TTLL5: variants seen among roughly 807,000 people sequenced by gnomAD.
The protein encoded by TTLL5 is tubulin polyglutamylase TTLL5.
Under a neutral mutation model 168.4 loss-of-function variants are expected in TTLL5, and 132 were observed. The ratio of observed to expected loss-of-function variants is 0.78; its 90% CI spans 0.68 to 0.91. The LOEUF is 0.91. Ranked by LOEUF, TTLL5 falls within the 40% of genes least tolerant of loss-of-function variation. TTLL5 has a pLI of 0.00. For missense variants in TTLL5, 1,545 were observed against 1,581.5 expected (o/e 0.98, Z 0.39); for synonymous variants, 546 against 558.6 (o/e 0.98, Z 0.32).
At position 75,683,590 on chromosome 14, in the gene TTLL5, G is replaced by T. The variant is rs1403781894; in HGVS notation, c.305G>T (p.Gly102Val). ...ACTGACTATAACCTAATGTGGACAG[G>T]ATCCCACCTGAAGCCCTTCTTACTG... ...SSTDYNLMWT[G>V]SHLKPFLLRT... is the part of the protein sequence containing the mutation. Residue 102 changes from glycine (G) to valine (V), a missense_variant, in exon 5 of 32, where the codon GGA (glycine) becomes GTA (valine). Gly to Val is a moderately radical substitution (Grantham distance 109). Transcript: ENST00000298832. 1 of 1,613,976 alleles carries T rather than the reference G, an allele frequency of 6.2e-7. No homozygotes were observed. Among genetic ancestry groups the T allele is most frequent in the Admixed American group, 1.7e-5 (1 of 60,006 alleles).
chr14:75,868,691 A>G (rs911984070), intron 29 of TTLL5, among the ~76,000 whole-genome samples: 2 of 152,194 alleles, frequency 1.3e-5, no homozygotes, highest in Admixed American at 6.5e-5. Context: ...GGATTCCCAT[A>G]TAAACCGAAC....
chr14:75,709,319 T>C, intron 9 of TTLL5: 1 of 680,186 alleles, frequency 1.5e-6, no homozygotes, highest in South Asian at 1.5e-5. Context: ...CTTAGTTTTT[T>C]TCACATGTAT....
At chr14:75,894,445 C>T (rs567107521) in intron 30 of TTLL5, among the ~76,000 whole-genome samples, 2 of 152,224 alleles carry the variant, frequency 1.3e-5, no homozygotes, top group South Asian at 4.1e-4. Context: ...CCCAGCTACT[C>T]GGGAGGCTGA....
chr14:75,713,413 G>A (rs1043004178), intron 9 of TTLL5, among the ~76,000 whole-genome samples: 2 of 152,190 alleles, frequency 1.3e-5, no homozygotes, highest in Non-Finnish European at 2.9e-5. Flanking sequence ...ATACCATCCA[G>A]GTTTGTGTAA....
At chr14:75,934,491 T>C (rs1176359882) in intron 31 of TTLL5, among the ~76,000 whole-genome samples, 7 of 152,242 alleles carry the variant, frequency 4.6e-5, no homozygotes, top group Non-Finnish European at 2.9e-5. Context: ...ATAAAAACTT[T>C]TGACATTTAA....
chr14:75,818,960 G>A (rs1047267035), intron 27 of TTLL5, among the ~76,000 whole-genome samples: 1 of 152,230 alleles, frequency 6.6e-6, no homozygotes, highest in African/African-American at 2.4e-5. Flanking sequence ...AATGGGCTTT[G>A]GCAGTTGAAA....
In TTLL5 at chr14:75,817,830, C is replaced by CTTTTTTTTTTTTTTTTT. The variant is rs1045988787; in HGVS notation, c.3172-2168_3172-2152dup. Among the ~76,000 whole-genome samples, 89 of 83,876 alleles carry CTTTTTTTTTTTTTTTTT rather than the reference C, an allele frequency of 1.1e-3. 2 individuals carry two copies. Among genetic ancestry groups the CTTTTTTTTTTTTTTTTT allele is most frequent in the Non-Finnish European group, 1.2e-3 (56 of 46,506 alleles). 55.0% of individuals were successfully genotyped at this position (83,876 alleles called of 152,430 possible). On this transcript the variant is annotated intron_variant, in intron 27 of 31. Transcript: ENST00000298832. Reference sequence around the variant, plus strand: ...ACCATTCTTTCTTTTCTTTTCTTTTCTTTTTTTTTTTTTTTTTTTTTTTTT... The same window carrying CTTTTTTTTTTTTTTTTT: ...ACCATTCTTTCTTTTCTTTTCTTTTCTTTTTTTTTTTTTTTTTTTTTTTTTTTTTTTTTTTTTTTTTT...
At chr14:75,917,024 G>C (rs577348351) in intron 31 of TTLL5, among the ~76,000 whole-genome samples, 1 of 152,304 alleles carries the variant, frequency 6.6e-6, no homozygotes, top group Admixed American at 6.5e-5. Flanking sequence ...TCAGCAGGGG[G>C]TGGGGAGAGA....
At chr14:75,895,454 A>G (rs1299668904) in intron 30 of TTLL5, among the ~76,000 whole-genome samples, 2 of 152,186 alleles carry the variant, frequency 1.3e-5, no homozygotes, top group Non-Finnish European at 2.9e-5. Context: ...ACTTCAAAAT[A>G]TCAATATCAA....
intron 29 of TTLL5, among the ~76,000 whole-genome samples, chr14:75,876,199 C>T (rs2031467928): frequency 6.6e-6 from 1 of 152,170 alleles, no homozygotes; most frequent in South Asian, 2.1e-4. Context: ...AACTGCAGCC[C>T]TAGTCTTAGC....
chr14:75,666,883 C>T (rs369856853), intron 2 of TTLL5, among the ~76,000 whole-genome samples: 27 of 152,296 alleles, frequency 1.8e-4, no homozygotes, highest in African/African-American at 5.5e-4. Context: ...TGATCTGCTT[C>T]GGTAATTATT....
intron 29 of TTLL5, among the ~76,000 whole-genome samples, chr14:75,872,704 G>GA (rs1337051822): frequency 6.6e-6 from 1 of 152,014 alleles, no homozygotes; most frequent in Non-Finnish European, 1.5e-5. Context: ...GAGATTGGGA[G>GA]TTCGAGACCA....
intron 31 of TTLL5, among the ~76,000 whole-genome samples, chr14:75,922,932 T>A (rs891475929): frequency 6.6e-6 from 1 of 152,238 alleles, no homozygotes; most frequent in African/African-American, 2.4e-5. Flanking sequence ...ATTCAGAGAT[T>A]CAACTTCTTC....
chr14:75,822,953 T>G lies in TTLL5; in HGVS notation c.3326+2792T>G, dbSNP rs535652745. 1.3e-4 allele frequency among the ~76,000 whole-genome samples: 20 copies of G among 152,312 alleles called. No homozygotes were observed. In the East Asian group the frequency reaches 3.9e-3, roughly 29 times the overall value. On this transcript the variant is annotated intron_variant, in intron 28 of 31. Transcript: ENST00000298832. ...TTCCCTAGACACTCTGGAGTTGGAC[T>G]TGGCCAGCCATCCCTCTGTTGTTAC...
chr14:75,694,853 C>T (rs1198985838), intron 6 of TTLL5, among the ~76,000 whole-genome samples: 1 of 152,198 alleles, frequency 6.6e-6, no homozygotes. Flanking sequence ...TTTCCTATGT[C>T]TGTCTTTACT....
At chr14:75,801,726 TG>T (rs2140368649) in intron 27 of TTLL5, among the ~76,000 whole-genome samples, 1 of 152,364 alleles carries the variant, frequency 6.6e-6, no homozygotes, top group East Asian at 1.9e-4. Flanking sequence ...ATTCTTTTTC[TG>T]GTAAATAACT....
chr14:75,904,107 A>C (rs996039139), intron 31 of TTLL5: 29 of 1,249,860 alleles, frequency 2.3e-5, no homozygotes, highest in Non-Finnish European at 3.0e-5. Context: ...TGATCCATGG[A>C]AGTATGATAG....
In TTLL5 at chr14:75,863,724, C is replaced by G; in HGVS notation, c.3384C>G (p.Ser1128Arg). The change falls in exon 29 of 32, where the codon AGC (serine) becomes AGG (arginine). Residue 1128 changes from serine to arginine, a missense_variant. Physicochemically the swap from Ser to Arg is moderately radical, Grantham distance 110 (BLOSUM62 -1). Coordinates refer to ENST00000298832, the MANE Select transcript of TTLL5 (RefSeq NM_015072.5). ...WEGEVENNVY[S>R]QATGVVPQHK... ...GAGAAGTAGAAAACAACGTGTACAG[C>G]CAGGCTACAGGGGTGGTCCCCCAGC... 1 of 1,613,394 alleles carries G rather than the reference C, an allele frequency of 6.2e-7. No individual in the cohort carries two copies. Among genetic ancestry groups the G allele is most frequent in the African/African-American group, 1.3e-5 (1 of 74,912 alleles).
chr14:75,920,359 C>T (rs1316161080), intron 31 of TTLL5, among the ~76,000 whole-genome samples: 1 of 152,026 alleles, frequency 6.6e-6, no homozygotes, highest in Non-Finnish European at 1.5e-5. Context: ...TGGTTTGCTG[C>T]ACCCATCATA....
Sources: gnomAD v4.1 joint callset for allele counts (sites outside exome capture counted in the v4.1 genomes callset) on GRCh38, gnomAD v4.1.1 for gene constraint, MANE v1.5 for transcripts, NCBI Gene and HGNC (gene_info 2026-07-23, HGNC 2026-07-21) for gene names.